MGMT: variants seen among roughly 807,000 people sequenced by gnomAD.
The protein encoded by MGMT is O-6-methylguanine-DNA methyltransferase.
In MGMT, 14 loss-of-function variants were observed where a neutral mutation model predicts 15.9. The observed-to-expected ratio is 0.88, with a 90% confidence interval of 0.58 to 1.37. The LOEUF (loss-of-function observed/expected upper bound fraction) is 1.37, where lower values mean the gene tolerates loss of function less well. Among genes scored for constraint, MGMT ranks in the 40% most tolerant of loss-of-function variants. MGMT has a pLI of 0.00. For synonymous variants in MGMT, 130 were observed against 118.2 expected, an observed-to-expected ratio of 1.10 and a Z score of -0.65; for missense variants, 282 against 268.1, an observed-to-expected ratio of 1.05 and a Z score of -0.36.
At chr10:129,715,020 G>T (rs906105226) in intron 3 of MGMT, among the ~76,000 whole-genome samples, 1 of 152,142 alleles carries the variant, frequency 6.6e-6, no homozygotes, top group Non-Finnish European at 1.5e-5. Flanking sequence ...CGTGAGTCGG[G>T]GGTAAAGGAA....
intron 1 of MGMT, among the ~76,000 whole-genome samples, chr10:129,519,068 A>G (rs1030538420): frequency 2.0e-5 from 3 of 152,072 alleles, no homozygotes; most frequent in Non-Finnish European, 4.4e-5. Context: ...CTATGATGTC[A>G]TTTTTCTGTA....
At chr10:129,578,171 T>C (rs1846508829) in intron 2 of MGMT, among the ~76,000 whole-genome samples, 1 of 152,190 alleles carries the variant, frequency 6.6e-6, no homozygotes, top group Admixed American at 6.5e-5. Flanking sequence ...GACCCAGCCA[T>C]CCTATTACTG....
intron 1 of MGMT, among the ~76,000 whole-genome samples, chr10:129,496,822 G>C (rs1036153049): frequency 6.6e-6 from 1 of 151,904 alleles, no homozygotes; most frequent in Non-Finnish European, 1.5e-5. Context: ...AGGGATCTTG[G>C]TATATATTTA....
At chr10:129,565,128 G>T (rs571956681) in intron 2 of MGMT, among the ~76,000 whole-genome samples, 55 of 152,358 alleles carry the variant, frequency 3.6e-4, no homozygotes, top group Non-Finnish European at 6.5e-4. Context: ...CGGGGCCGGG[G>T]TGTGGCAGGA....
intron 3 of MGMT, among the ~76,000 whole-genome samples, chr10:129,728,168 C>A (rs1030936351): frequency 3.9e-5 from 6 of 152,064 alleles, no homozygotes; most frequent in African/African-American, 1.4e-4. Context: ...ACAAGGGGGA[C>A]CTGAAGCAGC....
At chr10:129,704,623 C>T (rs531809589) in intron 2 of MGMT, among the ~76,000 whole-genome samples, 43 of 152,148 alleles carry the variant, frequency 2.8e-4, no homozygotes, top group Admixed American at 7.2e-4. Flanking sequence ...CCGTGGCTGT[C>T]GGTCATCCTA....
intron 2 of MGMT, among the ~76,000 whole-genome samples, chr10:129,695,215 G>A (rs1022733727): frequency 9.8e-5 from 15 of 152,286 alleles, no homozygotes; most frequent in Admixed American, 7.8e-4. Context: ...ACTTGTTCCA[G>A]CTGCAGCAAT....
intron 3 of MGMT, among the ~76,000 whole-genome samples, chr10:129,757,150 C>T (rs746238585): frequency 1.3e-5 from 2 of 152,172 alleles, no homozygotes; most frequent in African/African-American, 2.4e-5. Flanking sequence ...TTGCCTGGTA[C>T]GGACCAGTTA....
intron 2 of MGMT, among the ~76,000 whole-genome samples, chr10:129,571,761 G>A (rs536734588): frequency 3.9e-5 from 6 of 152,242 alleles, no homozygotes; most frequent in East Asian, 1.9e-4. Flanking sequence ...TAGAACCGCC[G>A]TGTGTTTTAT....
Position 129,479,487 on chromosome 10 carries a change from C to G in MGMT, c.-13+12191C>G, listed in dbSNP as rs147950438. 1.4e-3 allele frequency among the ~76,000 whole-genome samples: 210 copies of G among 152,064 alleles called. 1 individual carries two copies. Among genetic ancestry groups the G allele is most frequent in the African/African-American group, 4.8e-3 (200 of 41,470 alleles). On this transcript the variant is annotated intron_variant, in intron 1 of 4. Transcript: ENST00000651593. ...TGACTTGCTGTGCCAAAGTATTCTG[C>G]TCGTTTTTTCCAACTTTAAGCTAAA...
At chr10:129,714,709 C>T (rs1053705682) in intron 3 of MGMT, among the ~76,000 whole-genome samples, 2 of 152,166 alleles carry the variant, frequency 1.3e-5, no homozygotes, top group African/African-American at 4.8e-5. Context: ...TCTACTAAGC[C>T]TAACATTCCT....
intron 2 of MGMT, among the ~76,000 whole-genome samples, chr10:129,608,778 G>C (rs1454309626): frequency 1.3e-5 from 2 of 152,214 alleles, no homozygotes; most frequent in African/African-American, 4.8e-5. Context: ...GACAGTCCAG[G>C]AACTTTCTGC....
intron 1 of MGMT, among the ~76,000 whole-genome samples, chr10:129,528,795 C>CAAGG (rs989914308): frequency 6.6e-6 from 1 of 152,078 alleles, no homozygotes; most frequent in African/African-American, 2.4e-5. Flanking sequence ...TCTGCCATGT[C>CAAGG]AAGGAAGGAA....
intron 2 of MGMT, among the ~76,000 whole-genome samples, chr10:129,656,410 C>T (rs1033819785): frequency 1.3e-5 from 2 of 152,124 alleles, no homozygotes; most frequent in African/African-American, 4.8e-5. Context: ...AGGGGTGGGG[C>T]CTACTTCCAG....
intron 2 of MGMT, among the ~76,000 whole-genome samples, chr10:129,679,729 C>T (rs1192328258): frequency 6.6e-6 from 1 of 152,142 alleles, no homozygotes; most frequent in Non-Finnish European, 1.5e-5. Flanking sequence ...TGAGGACTTA[C>T]AGCCATCTTA....
At chr10:129,558,111 GC>G (rs1846236252) in intron 2 of MGMT, among the ~76,000 whole-genome samples, 1 of 152,166 alleles carries the variant, frequency 6.6e-6, no homozygotes. Flanking sequence ...CCCCCTGTGC[GC>G]CCGGGGTCAG....
intron 1 of MGMT, among the ~76,000 whole-genome samples, chr10:129,520,813 C>T (rs61862598): frequency 0.24 from 34,544 of 143,428 alleles, 4,911 homozygotes; most frequent in African/African-American, 0.41. Flanking sequence ...AGAGCCCCTA[C>T]GGTGCGGGTA....
intron 3 of MGMT, among the ~76,000 whole-genome samples, chr10:129,710,775 A>G (rs1187170974): frequency 2.0e-5 from 3 of 152,224 alleles, no homozygotes; most frequent in Non-Finnish European, 4.4e-5. Flanking sequence ...AGCCGCCTGG[A>G]AGCTGTGGAG....
rs187286647 is a variant in MGMT, at chr10:129,764,003, A to C, written c.415-2785A>C. Among the ~76,000 whole-genome samples the C allele has an allele frequency of 3.9e-5, 6 of 152,296 alleles. No homozygotes were observed. In the East Asian group the frequency reaches 1.2e-3, roughly 29 times the overall value. ...CCAAACTCATCGTCAAATTAGGATGAGCTGTGTGATGTGCCGGAAGCCAGA... is the reference window on the plus strand; with the variant it reads ...CCAAACTCATCGTCAAATTAGGATGCGCTGTGTGATGTGCCGGAAGCCAGA... On this transcript the variant is annotated intron_variant, in intron 4 of 4. Coordinates refer to ENST00000651593, the MANE Select transcript of MGMT (RefSeq NM_002412.5).
Sources: gnomAD v4.1 joint callset for allele counts (sites outside exome capture counted in the v4.1 genomes callset) on GRCh38, gnomAD v4.1.1 for gene constraint, MANE v1.5 for transcripts, NCBI Gene and HGNC (gene_info 2026-07-23, HGNC 2026-07-21) for gene names.